The following POLN variants were observed in gnomAD, a reference collection of about 807,000 sequenced individuals.
POLN encodes the protein DNA polymerase nu.
Under a neutral mutation model 113.5 loss-of-function variants are expected in POLN, and 108 were observed. The observed-to-expected ratio is 0.95, with a 90% CI of 0.81 to 1.12. The LOEUF is 1.12. Among genes scored for constraint, POLN ranks in the 50% most tolerant of loss-of-function variants. The pLI is 0.00. For missense variants in POLN, 1,097 were observed against 1,077.1 expected (o/e 1.02, Z -0.26); for synonymous variants, 386 against 391.5 (o/e 0.99, Z 0.17).
intron 21 of POLN, among the ~76,000 whole-genome samples, chr4:2,084,177 C>A (rs1730496946): frequency 6.6e-6 from 1 of 152,382 alleles, no homozygotes; most frequent in African/African-American, 2.4e-5. Context: ...GCTTTGACTG[C>A]ATCTCAAATC....
At chr4:2,195,490 T>TC (rs1733552298) in intron 6 of POLN, among the ~76,000 whole-genome samples, 1 of 151,548 alleles carries the variant, frequency 6.6e-6, no homozygotes, top group Non-Finnish European at 1.5e-5. Flanking sequence ...TAATTCTTTT[T>TC]TTTTTTTTTT....
Position 2,131,157 on chromosome 4 carries a change from C to G in POLN, c.1789+76G>C, listed in dbSNP as rs1045356456. The G allele has an allele frequency of 2.5e-5, 27 of 1,075,802 alleles. No individual in the cohort carries two copies. The African/African-American group carries it at 3.6e-4, about 14-fold the overall frequency. The allele number at this position is 1,075,802 out of a possible 1,614,324, so 66.6% of individuals were successfully genotyped here. On this transcript the variant is annotated intron_variant, in intron 17 of 25. Transcript: ENST00000511885. ...CTGTGATCGCACAAATGCACTCTAG[C>G]CTGGGTGACAGAGTGACACCCTATC...
intron 13 of POLN, among the ~76,000 whole-genome samples, chr4:2,168,745 C>G (rs545560271): frequency 6.6e-5 from 10 of 152,282 alleles, no homozygotes; most frequent in African/African-American, 2.4e-4. Flanking sequence ...GTGTTGAGAC[C>G]CAAGCCTTAG....
Position 2,241,615 on chromosome 4 carries a change from G to C in POLN, c.-108C>G, listed in dbSNP as rs868220048. 1 of 985,408 alleles carries C rather than the reference G, an allele frequency of 1.0e-6. No individual in the cohort carries two copies. 61.0% of individuals were successfully genotyped at this position (985,408 alleles called of 1,614,324 possible). ...CAGGGAAGCGCGCGGCCACAATTAAGGGTGCTTCGGGCCGGCCTTCAGCCA... is the reference window on the plus strand; with the variant it reads ...CAGGGAAGCGCGCGGCCACAATTAACGGTGCTTCGGGCCGGCCTTCAGCCA... On this transcript the variant is annotated 5_prime_UTR_variant, in exon 2 of 26. Coordinates refer to ENST00000511885, the MANE Select transcript of POLN (RefSeq NM_181808.4).
At chr4:2,140,185 G>A (rs1429988753) in intron 16 of POLN, among the ~76,000 whole-genome samples, 2 of 152,098 alleles carry the variant, frequency 1.3e-5, no homozygotes, top group East Asian at 3.9e-4. Flanking sequence ...TCAAGTGATT[G>A]TCCTGCCTCG....
chr4:2,238,538 ACTCT>A (rs984128471), intron 2 of POLN: 118 of 1,049,710 alleles, frequency 1.1e-4, no homozygotes, highest in Non-Finnish European at 1.4e-4. Context: ...TTTAGCTCAA[ACTCT>A]CTCTAGTATT....
chr4:2,159,312 G>C (rs1416143672), intron 13 of POLN, 101 bp from the exon 14 acceptor site: 1 of 1,006,176 alleles, frequency 9.9e-7, no homozygotes. Flanking sequence ...TGGTCTAATT[G>C]AGCATATTTT....
chr4:2,085,580 G>T (rs368879392), intron 21 of POLN, 33 bp downstream of exon 21: 26 of 1,611,280 alleles, frequency 1.6e-5, no homozygotes, highest in Non-Finnish European at 2.2e-5. Context: ...AGGGTTGGCA[G>T]GGAGCAGGGA....
At chr4:2,137,704 A>G (rs1561028393) in intron 16 of POLN, among the ~76,000 whole-genome samples, 1 of 152,048 alleles carries the variant, frequency 6.6e-6, no homozygotes, top group African/African-American at 2.4e-5. Flanking sequence ...GAGGCTGGCA[A>G]TCGTCCCCCC....
chr4:2,184,611 A>G (rs1472403141), intron 7 of POLN, among the ~76,000 whole-genome samples: 4 of 152,206 alleles, frequency 2.6e-5, no homozygotes, highest in African/African-American at 9.7e-5. Flanking sequence ...ACAAAAGTCA[A>G]CCTAATAGTG....
intron 2 of POLN, among the ~76,000 whole-genome samples, chr4:2,237,857 T>C (rs1341816198): frequency 6.6e-6 from 1 of 152,208 alleles, no homozygotes; most frequent in African/African-American, 2.4e-5. Context: ...TGTAACAGAC[T>C]TCCTAAAACT....
intron 7 of POLN, among the ~76,000 whole-genome samples, chr4:2,190,079 C>T (rs1376352394): frequency 1.3e-5 from 2 of 150,026 alleles, no homozygotes; most frequent in Non-Finnish European, 3.0e-5. Context: ...TGTATGGAAC[C>T]AAACACCCTG....
intron 19 of POLN, among the ~76,000 whole-genome samples, chr4:2,115,364 G>A (rs144756510): frequency 8.7e-4 from 132 of 151,646 alleles, no homozygotes; most frequent in African/African-American, 2.9e-3. Flanking sequence ...CACTGTGCCC[G>A]GCCTCTTTTT....
chr4:2,198,050 CAA>C (rs1733623917), intron 6 of POLN, among the ~76,000 whole-genome samples: 1 of 152,298 alleles, frequency 6.6e-6, no homozygotes, highest in Middle Eastern at 3.4e-3. Context: ...AGGGCCGGTC[CAA>C]AGAGGTGAGA....
intron 24 of POLN, among the ~76,000 whole-genome samples, chr4:2,074,026 C>T (rs746289821): frequency 3.0e-4 from 46 of 152,366 alleles, no homozygotes; most frequent in Non-Finnish European, 6.0e-4. Flanking sequence ...GGCTGGAGAG[C>T]CGGCCCAGGC....
At position 2,236,248 on chromosome 4, in the gene POLN, G is replaced by T. The variant is rs748833413; in HGVS notation, c.-13+5272C>A. The T allele has an allele frequency of 1.4e-5, 22 of 1,610,640 alleles. No individual in the cohort carries two copies. In the South Asian group the frequency reaches 2.4e-4, roughly 18 times the overall value. Reference sequence around the variant, plus strand: ...CCCACCTGATCACTAAGCAAAAGCTGATTTCCTCCTTGATACAAAGTATCA... The same window carrying T: ...CCCACCTGATCACTAAGCAAAAGCTTATTTCCTCCTTGATACAAAGTATCA... On this transcript the variant is annotated intron_variant, in intron 2 of 25. Coordinates refer to ENST00000511885, the MANE Select transcript of POLN (RefSeq NM_181808.4).
chr4:2,229,503 A>G (rs1734500489), intron 2 of POLN: 1 of 276,970 alleles, frequency 3.6e-6, no homozygotes, highest in African/African-American at 2.2e-5. Context: ...CTACTCAAAT[A>G]CATCCTGAGG....
chr4:2,189,280 C>G (rs1190458907), intron 7 of POLN, among the ~76,000 whole-genome samples: 1 of 152,160 alleles, frequency 6.6e-6, no homozygotes, highest in African/African-American at 2.4e-5. Context: ...ACTAGAAACC[C>G]ACTTTACTTA....
intron 16 of POLN, among the ~76,000 whole-genome samples, chr4:2,155,707 A>G (rs1339717454): frequency 2.0e-5 from 3 of 152,222 alleles, no homozygotes; most frequent in African/African-American, 7.2e-5. Flanking sequence ...TACTTAAATA[A>G]TTCACATATT....
Sources: gnomAD v4.1 joint callset for allele counts (sites outside exome capture counted in the v4.1 genomes callset) on GRCh38, gnomAD v4.1.1 for gene constraint, MANE v1.5 for transcripts, NCBI Gene and HGNC (gene_info 2026-07-23, HGNC 2026-07-21) for gene names.